The following ATRNL1 variants were observed in gnomAD, a reference collection of about 807,000 sequenced individuals.
ATRNL1 encodes attractin-like protein 1.
A neutral mutation model predicts 182.7 loss-of-function variants in ATRNL1; 95 were observed. That is an observed-to-expected ratio of 0.52 (90% CI 0.44 to 0.62). The LOEUF is 0.62. Ranked by LOEUF, ATRNL1 falls within the 20% of genes least tolerant of loss-of-function variation. ATRNL1 has a pLI of 0.00. For missense variants in ATRNL1, 1,471 were observed against 1,679.5 expected (o/e 0.88, Z 2.17); for synonymous variants, 576 against 568.3 (o/e 1.01, Z -0.19).
chr10:115,363,359 G>A (rs1856849039), intron 19 of ATRNL1, among the ~76,000 whole-genome samples: 1 of 147,054 alleles, frequency 6.8e-6, no homozygotes, highest in African/African-American at 2.5e-5. Context: ...ACTTTTTGAT[G>A]GGGTTGTTTG....
intron 20 of ATRNL1, among the ~76,000 whole-genome samples, chr10:115,403,588 T>TG (rs35501606): frequency 0.38 from 57,725 of 151,686 alleles, 12,144 homozygotes; most frequent in African/African-American, 0.57. Flanking sequence ...CCTGAGTAGC[T>TG]GGACTACAGG....
chr10:115,272,970 G>A (rs572699014), intron 13 of ATRNL1, among the ~76,000 whole-genome samples: 3 of 152,176 alleles, frequency 2.0e-5, no homozygotes, highest in African/African-American at 7.2e-5. Flanking sequence ...CATTGTGAGC[G>A]AGGAAGGCAA....
At chr10:115,597,800 G>A (rs2133934600) in intron 26 of ATRNL1, 1 of 350,486 alleles carries the variant, frequency 2.9e-6, no homozygotes, top group Non-Finnish European at 5.6e-6. Flanking sequence ...CTCCTAAAGT[G>A]CTGGGATTAC....
chr10:115,303,679 G>T (rs1438843389), intron 17 of ATRNL1, among the ~76,000 whole-genome samples: 1 of 151,784 alleles, frequency 6.6e-6, no homozygotes, highest in African/African-American at 2.4e-5. Context: ...AGCTCACAAA[G>T]AAAAAAGGAG....
Position 115,132,177 on chromosome 10 carries a change from G to A in ATRNL1, c.829+2642G>A, listed in dbSNP as rs575903134. Among the ~76,000 whole-genome samples the A allele has an allele frequency of 4.2e-3, 623 of 147,572 alleles. 2 individuals carry two copies. The highest frequency in any genetic ancestry group is 0.014 in the African/African-American group (540 of 37,306). ...TTCCCACCTATAAGTGAGAACACGC[G>A]GTGTTTGGTTTTTTGTCCTTGCGAT... On this transcript the variant is annotated intron_variant, in intron 5 of 28. Coordinates refer to ENST00000355044, the MANE Select transcript of ATRNL1 (RefSeq NM_207303.4).
intron 19 of ATRNL1, among the ~76,000 whole-genome samples, chr10:115,368,334 C>A (rs1554946849): frequency 6.6e-6 from 1 of 152,252 alleles, no homozygotes; most frequent in African/African-American, 2.4e-5. Context: ...AGGGAACTCC[C>A]TGACCCTTGC....
chr10:115,885,909 C>G (rs1428306163), intron 28 of ATRNL1, among the ~76,000 whole-genome samples: 3 of 152,128 alleles, frequency 2.0e-5, no homozygotes, highest in African/African-American at 7.2e-5. Flanking sequence ...TGAGGGTTCT[C>G]TAAAAGAAGT....
At chr10:115,421,497 C>T (rs1845649530) in intron 20 of ATRNL1, among the ~76,000 whole-genome samples, 2 of 152,060 alleles carry the variant, frequency 1.3e-5, no homozygotes, top group South Asian at 4.1e-4. Flanking sequence ...ATTTAACATT[C>T]CTCCATGATA....
In ATRNL1 at chr10:115,374,265, A is replaced by G. The variant is rs149745995; in HGVS notation, c.3176-20394A>G. 3.3e-5 allele frequency among the ~76,000 whole-genome samples: 5 copies of G among 151,442 alleles called. No homozygotes were observed. In the South Asian group the frequency reaches 1.0e-3, roughly 32 times the overall value. On this transcript the variant is annotated intron_variant, in intron 19 of 28. Transcript: ENST00000355044. ...TTCTTAGTTTAGTTAATGGTTTGTCAATTTTGTTTATCTTTTCAAAGGAAA... is the reference window on the plus strand; with the variant it reads ...TTCTTAGTTTAGTTAATGGTTTGTCGATTTTGTTTATCTTTTCAAAGGAAA...
chr10:115,134,533 G>A (rs1247369795), intron 5 of ATRNL1, among the ~76,000 whole-genome samples: 1 of 152,126 alleles, frequency 6.6e-6, no homozygotes, highest in Non-Finnish European at 1.5e-5. Flanking sequence ...TGAAATTGAG[G>A]CAATAATTAA....
At chr10:115,219,231 C>CAAAA (rs78580406) in intron 9 of ATRNL1, among the ~76,000 whole-genome samples, 1 of 60,840 alleles carries the variant, frequency 1.6e-5, no homozygotes, top group South Asian at 5.6e-4. Flanking sequence ...GACTCCATCT[C>CAAAA]AAAAAAAAAA....
At chr10:115,762,795 C>A (rs1565357005) in intron 27 of ATRNL1, among the ~76,000 whole-genome samples, 1 of 151,996 alleles carries the variant, frequency 6.6e-6, no homozygotes, top group Non-Finnish European at 1.5e-5. Flanking sequence ...CATAATTATT[C>A]TTTAATAACT....
At chr10:115,914,119 C>T (rs1555116629) in intron 28 of ATRNL1, among the ~76,000 whole-genome samples, 3 of 152,158 alleles carry the variant, frequency 2.0e-5, no homozygotes, top group African/African-American at 4.8e-5. Flanking sequence ...CCCTGCTTCA[C>T]TTGGCACTTC....
chr10:115,787,888 G>A (rs1450031824), intron 27 of ATRNL1, among the ~76,000 whole-genome samples: 1 of 152,124 alleles, frequency 6.6e-6, no homozygotes, highest in Admixed American at 6.6e-5. Context: ...GGGAAGATTT[G>A]AAAACAGACA....
intron 26 of ATRNL1, among the ~76,000 whole-genome samples, chr10:115,643,073 G>T (rs528401434): frequency 6.6e-6 from 1 of 152,164 alleles, no homozygotes; most frequent in African/African-American, 2.4e-5. Flanking sequence ...GTTAATATTG[G>T]CAAGGTTGAA....
Position 115,094,049 on chromosome 10 carries a change from T to G in ATRNL1, c.293+6T>G. 6.8e-7 allele frequency: 1 copy of G among 1,465,864 alleles called. No individual in the cohort carries two copies. The highest frequency in any genetic ancestry group is 9.1e-7 in the Non-Finnish European group (1 of 1,102,816). The allele number at this position is 1,465,864 out of a possible 1,614,324, so 90.8% of individuals were successfully genotyped here. On this transcript the variant is annotated splice_donor_region_variant and intron_variant, in intron 1 of 28. Transcript: ENST00000355044. ...CACTGCCAGGGCAGGTTCAAGTAAG[T>G]GCCTTCGCCGGACCCCGAACCTCCA...
chr10:115,809,356 C>T (rs1019942796), intron 27 of ATRNL1, among the ~76,000 whole-genome samples: 2 of 151,772 alleles, frequency 1.3e-5, no homozygotes, highest in African/African-American at 4.8e-5. Context: ...TTCAATTTAT[C>T]AAAAAAATCA....
At chr10:115,311,044 C>T (rs1191593398) in intron 17 of ATRNL1, among the ~76,000 whole-genome samples, 12 of 151,130 alleles carry the variant, frequency 7.9e-5, no homozygotes, top group Admixed American at 7.9e-4. Flanking sequence ...TAAAACTTTC[C>T]ATCTTGATTT....
chr10:115,676,285 T>C (rs1038033132), intron 26 of ATRNL1, among the ~76,000 whole-genome samples: 9 of 151,968 alleles, frequency 5.9e-5, no homozygotes, highest in Non-Finnish European at 8.8e-5. Flanking sequence ...TTCAAAGATA[T>C]TGTACATTTT....
Sources: allele counts gnomAD v4.1 joint callset (sites outside exome capture counted in the v4.1 genomes callset), GRCh38; gene constraint gnomAD v4.1.1; transcripts MANE v1.5; gene names NCBI Gene and HGNC (gene_info 2026-07-23, HGNC 2026-07-21).